CDK15: variants seen among roughly 807,000 people sequenced by gnomAD.
The protein encoded by CDK15 is cyclin-dependent kinase 15.
Under a neutral mutation model 60.3 loss-of-function variants are expected in CDK15, and 62 were observed. The ratio of observed to expected loss-of-function variants is 1.03; its 90% confidence interval spans 0.84 to 1.27. The LOEUF (loss-of-function observed/expected upper bound fraction) is 1.27. CDK15 is among the 50% of genes most tolerant of loss of function. CDK15 has a pLI of 0.00. For synonymous variants in CDK15, 194 were observed against 195.7 expected (o/e 0.99, Z 0.07); for missense variants, 541 against 527.8 (o/e 1.03, Z -0.25).
intron 11 of CDK15, among the ~76,000 whole-genome samples, chr2:201,874,053 C>CA (rs61612545): frequency 9.9e-4 from 113 of 113,962 alleles, no homozygotes; most frequent in Admixed American, 2.6e-3. Flanking sequence ...GACTCCGTCT[C>CA]AAAAAAAAAA....
intron 11 of CDK15, among the ~76,000 whole-genome samples, chr2:201,872,835 G>A (rs1698908200): frequency 6.6e-6 from 1 of 152,210 alleles, no homozygotes; most frequent in African/African-American, 2.4e-5. Flanking sequence ...AGCTAACTAA[G>A]CTGTGCCAGG....
At chr2:201,873,496 C>T (rs1224347884) in intron 11 of CDK15, among the ~76,000 whole-genome samples, 5 of 152,208 alleles carry the variant, frequency 3.3e-5, no homozygotes, top group African/African-American at 4.8e-5. Flanking sequence ...TGGCAACTCT[C>T]AACCTGAGAA....
intron 12 of CDK15, chr2:201,888,341 T>C (rs1463754555): frequency 7.0e-7 from 1 of 1,422,140 alleles, no homozygotes; most frequent in African/African-American, 1.5e-5. Context: ...TCCGAAATGA[T>C]CTAAATACAT....
At chr2:201,810,839 T>C (rs1357957190) in intron 3 of CDK15, among the ~76,000 whole-genome samples, 3 of 67,336 alleles carry the variant, frequency 4.5e-5, no homozygotes, top group Admixed American at 2.4e-4. Flanking sequence ...TATGCACTCT[T>C]TTTTTTTTTT....
At chr2:201,815,218 A>G (rs959640384) in intron 4 of CDK15, among the ~76,000 whole-genome samples, 6 of 152,110 alleles carry the variant, frequency 3.9e-5, no homozygotes, top group Non-Finnish European at 5.9e-5. Context: ...CCCAAGGGAA[A>G]TATATCTTAA....
intron 3 of CDK15, among the ~76,000 whole-genome samples, chr2:201,812,190 A>C (rs1348588682): frequency 0.024 from 3,468 of 145,756 alleles, 116 homozygotes; most frequent in African/African-American, 0.083. Context: ...AAAAAAAAAA[A>C]ACAAAAAAAC....
chr2:201,825,829 T>C (rs548521073), intron 6 of CDK15, among the ~76,000 whole-genome samples: 1 of 152,316 alleles, frequency 6.6e-6, no homozygotes, highest in African/African-American at 2.4e-5. Context: ...CTGAGTCTAA[T>C]CTGAGGGAAG....
At chr2:201,848,108 CA>C (rs1208781191) in intron 9 of CDK15, among the ~76,000 whole-genome samples, 1 of 151,402 alleles carries the variant, frequency 6.6e-6, no homozygotes, top group Non-Finnish European at 1.5e-5. Context: ...GGCTGGGGAA[CA>C]AAAAAAAGAC....
intron 6 of CDK15, among the ~76,000 whole-genome samples, chr2:201,832,986 A>G (rs76576890): frequency 0.024 from 3,687 of 152,316 alleles, 141 homozygotes; most frequent in African/African-American, 0.084. Flanking sequence ...ACTGGAAAAT[A>G]GCAAAAGATA....
intron 3 of CDK15, among the ~76,000 whole-genome samples, chr2:201,811,135 G>T (rs1695743134): frequency 1.4e-5 from 2 of 142,696 alleles, no homozygotes; most frequent in African/African-American, 5.2e-5. Flanking sequence ...GAGCCACTGC[G>T]CCTGGCTGAG....
intron 10 of CDK15, among the ~76,000 whole-genome samples, chr2:201,866,791 T>C (rs78283765): frequency 0.024 from 3,689 of 152,254 alleles, 151 homozygotes; most frequent in African/African-American, 0.084. Flanking sequence ...GAAAAATCAA[T>C]GGGAGAGAGG....
chr2:201,878,820 G>C (rs1699173774), intron 11 of CDK15, among the ~76,000 whole-genome samples: 1 of 152,202 alleles, frequency 6.6e-6, no homozygotes, highest in African/African-American at 2.4e-5. Flanking sequence ...GGCAGAAAGA[G>C]CAAAAGGGCT....
At chr2:201,890,756 T>G (rs781769061) in intron 12 of CDK15, 29 bp from the exon 13 acceptor site, 12 of 1,519,530 alleles carry the variant, frequency 7.9e-6, no homozygotes, top group Non-Finnish European at 1.1e-5. Context: ...AAATAACATA[T>G]TGGTGCTTCT....
rs113904889 is a variant in CDK15, at chr2:201,887,768, C to T, written c.1199-3017C>T. Among the ~76,000 whole-genome samples the T allele has an allele frequency of 5.1e-3, 782 of 152,166 alleles. 11 individuals are homozygous for T. The highest frequency in any genetic ancestry group is 0.018 in the African/African-American group (728 of 41,504). ...ATCGGAAATGTATGTGTATTGTGCCCCTAGTCAGAGTTTTAAGTGCACTTC... is the reference window on the plus strand; with the variant it reads ...ATCGGAAATGTATGTGTATTGTGCCTCTAGTCAGAGTTTTAAGTGCACTTC... On this transcript the variant is annotated intron_variant, in intron 12 of 13. Coordinates refer to ENST00000652192, the MANE Select transcript of CDK15 (RefSeq NM_001366386.2).
At chr2:201,862,497 C>A (rs1392678750) in intron 10 of CDK15, among the ~76,000 whole-genome samples, 4 of 152,162 alleles carry the variant, frequency 2.6e-5, no homozygotes, top group African/African-American at 9.7e-5. Flanking sequence ...CTCTTGGACT[C>A]TAAATAATTC....
Position 201,833,833 on chromosome 2 carries a change from GTTTC to G in CDK15, c.607-12_607-9del. ...TGGCTCAAATCTCCTTATGGATAGT[GTTTC>G]TTCCTTCCAGCTTTTCATGTTTCAA... On this transcript the variant is annotated splice_polypyrimidine_tract_variant and intron_variant, in intron 6 of 13. Transcript: ENST00000652192. The G allele has an allele frequency of 6.2e-7, 1 of 1,605,380 alleles. No homozygotes were observed. The highest frequency in any genetic ancestry group is 1.1e-5 in the South Asian group (1 of 90,826).
chr2:201,823,309 GA>G (rs1315050445), intron 5 of CDK15, among the ~76,000 whole-genome samples: 5 of 152,128 alleles, frequency 3.3e-5, no homozygotes, highest in South Asian at 2.1e-4. Flanking sequence ...ATTTTTGGAA[GA>G]AAAAATATTT....
At chr2:201,860,721 T>C (rs749277484) in intron 10 of CDK15, 1 of 1,352,006 alleles carries the variant, frequency 7.4e-7, no homozygotes, top group East Asian at 4.5e-5. Context: ...ATGCTTGCTT[T>C]ATCAACTTCT....
chr2:201,882,100 T>G lies in CDK15; in HGVS notation c.1198+1933T>G, dbSNP rs557778911. 2.0e-4 allele frequency among the ~76,000 whole-genome samples: 30 copies of G among 152,224 alleles called. No individual in the cohort carries two copies. The South Asian group carries it at 3.5e-3, about 18-fold the overall frequency. ...GTGTTGTTAGAAACTTGGGTTTTGA[T>G]TTTTCCTGGCTGACCCAAAAGCAAA... is the stretch of plus-strand genomic sequence containing the variant. On this transcript the variant is annotated intron_variant, in intron 12 of 13. Coordinates refer to ENST00000652192, the MANE Select transcript of CDK15 (RefSeq NM_001366386.2). The surrounding 1 kb of genome is among the most constrained non-coding windows in gnomAD (Gnocchi z 4.0).
Sources: gnomAD v4.1 joint callset for allele counts (sites outside exome capture counted in the v4.1 genomes callset) on GRCh38, gnomAD v4.1.1 for gene constraint, Gnocchi (gnomAD v3.1) non-coding constraint, MANE v1.5 for transcripts, NCBI Gene and HGNC (gene_info 2026-07-23, HGNC 2026-07-21) for gene names.